The following HMOX1 variants were observed in gnomAD, a reference collection of about 807,000 sequenced individuals.
HMOX1 encodes the protein heat shock protein, 32-kD.
HMOX1 carries 22 observed loss-of-function variants against 27.8 expected under a neutral mutation model. The ratio of observed to expected loss-of-function variants is 0.79; its 90% confidence interval spans 0.57 to 1.13. HMOX1 has a LOEUF of 1.13. Ranked by LOEUF, HMOX1 falls within the 50% of genes most tolerant of loss-of-function variation. The pLI, the probability that HMOX1 is intolerant of heterozygous loss-of-function variation, is 0.00. For missense variants in HMOX1, 379 were observed against 377.7 expected, an observed-to-expected ratio of 1.00 and a Z score of -0.03; for synonymous variants, 153 against 151.6, an observed-to-expected ratio of 1.01 and a Z score of -0.07.
chr22:35,392,374 A>G (rs2145772686), intron 4 of HMOX1, among the ~76,000 whole-genome samples: 1 of 152,352 alleles, frequency 6.6e-6, no homozygotes, highest in South Asian at 2.1e-4. Flanking sequence ...GAACCAAAAC[A>G]TTTGAGAACT....
At chr22:35,391,412 C>T (rs559642536) in intron 4 of HMOX1, among the ~76,000 whole-genome samples, 12 of 151,156 alleles carry the variant, frequency 7.9e-5, no homozygotes, top group Non-Finnish European at 1.2e-4. Context: ...CTCAGCCTCC[C>T]GAGTAGCTGG....
intron 3 of HMOX1, among the ~76,000 whole-genome samples, chr22:35,389,195 T>TTCTTTCTTTCTTTCTTTCTC (rs1931587464): frequency 8.0e-6 from 1 of 125,176 alleles, no homozygotes; most frequent in African/African-American, 3.7e-5. Flanking sequence ...TGAATTTTCT[T>TTCTTTCTTTCTTTCTTTCTC]TCTTTCTTTC....
intron 2 of HMOX1, among the ~76,000 whole-genome samples, chr22:35,384,286 G>A (rs998063143): frequency 6.6e-6 from 1 of 152,020 alleles, no homozygotes; most frequent in African/African-American, 2.4e-5. Context: ...GTTTTACCAT[G>A]TTGGCCAGGC....
At chr22:35,383,364 C>A in intron 2 of HMOX1, 138 bp downstream of exon 2, 1 of 994,852 alleles carries the variant, frequency 1.0e-6, no homozygotes, top group Non-Finnish European at 1.5e-6. Context: ...AAAATGATGA[C>A]ACTGAGGCTC....
At chr22:35,381,229 C>G (rs1191067481) in intron 1 of HMOX1, 33 bp downstream of exon 1, 1 of 1,536,100 alleles carries the variant, frequency 6.5e-7, no homozygotes, top group Admixed American at 1.9e-5. Flanking sequence ...GGGACGGGCG[C>G]CTTTCTCTCC....
In HMOX1 at chr22:35,386,862, A is replaced by C; in HGVS notation, c.322A>C (p.Thr108Pro). 6.2e-7 allele frequency: 1 copy of C among 1,614,162 alleles called. No homozygotes were observed. The highest frequency in any genetic ancestry group is 8.5e-7 in the Non-Finnish European group (1 of 1,180,042). ...GPRWQEVIPYTPAMQRYVKRL... is the reference protein window; with the variant it reads ...GPRWQEVIPYPPAMQRYVKRL... ...CCGCTGGCAGGAGGTCATCCCCTAC[A>C]CACCAGCCATGCAGCGCTATGTGAA... Residue 108 changes from threonine to proline, a missense_variant, in exon 3 of 5, where the codon ACA becomes CCA. By Grantham distance (38) the Thr-to-Pro change is conservative. Transcript: ENST00000216117.
In HMOX1 at chr22:35,387,172, T is replaced by C. The variant is rs1403756497; in HGVS notation, c.632T>C (p.Ile211Thr). 6.2e-7 allele frequency: 1 copy of C among 1,613,410 alleles called. No homozygotes were observed. Among genetic ancestry groups the C allele is most frequent in the South Asian group, 1.1e-5 (1 of 91,076 alleles). ...EEAKTAFLLN[I>T]QLFEELQELL... ...GCCAAGACTGCGTTCCTGCTCAACA[T>C]CCAGGTGAGGGTCGGGCAGCCTGGG... The change falls in exon 3 of 5, where the codon ATC becomes ACC. Residue 211 changes from isoleucine (I) to threonine (T), a missense_variant. Ile to Thr is a moderately conservative substitution (Grantham distance 89). Coordinates refer to ENST00000216117, the MANE Select transcript of HMOX1 (RefSeq NM_002133.3).
In HMOX1 at chr22:35,383,323, C is replaced by T. The variant is rs573279823; in HGVS notation, c.144+97C>T. ...TGGTTTAAGTGGGGATGCTGAGGGA[C>T]CAGATGGGCATGTCCAATAGAATCA... On this transcript the variant is annotated intron_variant, in intron 2 of 4. Coordinates refer to ENST00000216117, the MANE Select transcript of HMOX1 (RefSeq NM_002133.3). The T allele has an allele frequency of 3.8e-4, 512 of 1,343,052 alleles. 7 individuals are homozygous for T. The South Asian group carries it at 5.6e-3, about 15-fold the overall frequency. 83.2% of individuals were successfully genotyped at this position (1,343,052 alleles called of 1,614,324 possible). A position where few individuals can be genotyped will look rare whatever the true frequency, so the allele number is the denominator to read the frequency against.
At position 35,386,861 on chromosome 22, in the gene HMOX1, C is replaced by A; in HGVS notation, c.321C>A (p.Tyr107Ter). 6.2e-7 allele frequency: 1 copy of A among 1,614,202 alleles called. No homozygotes were observed. The highest frequency in any genetic ancestry group is 8.5e-7 in the Non-Finnish European group (1 of 1,180,048). Residue 107 changes from tyrosine to a stop codon, truncating the protein, a stop_gained, in exon 3 of 5, where the codon TAC becomes TAA. Transcript: ENST00000216117. LOFTEE classifies it high-confidence loss of function. ...CCCGCTGGCAGGAGGTCATCCCCTA[C>A]ACACCAGCCATGCAGCGCTATGTGA... ...YGPRWQEVIPYTPAMQRYVKR... is the reference protein window; with the variant it reads ...YGPRWQEVIP
At chr22:35,389,249 TTTCTC>T (rs1333933423) in intron 3 of HMOX1, among the ~76,000 whole-genome samples, 1 of 121,530 alleles carries the variant, frequency 8.2e-6, no homozygotes, top group African/African-American at 4.3e-5. Flanking sequence ...TTTTCTTTCT[TTTCTC>T]TCTCTCTCTC....
chr22:35,386,890 G>A lies in HMOX1; in HGVS notation c.350G>A (p.Arg117Gln), dbSNP rs373670270. 6.2e-6 allele frequency: 10 copies of A among 1,613,962 alleles called. No individual in the cohort carries two copies. The highest frequency in any genetic ancestry group is 1.6e-4 in the Middle Eastern group (1 of 6,082). Residue 117 changes from arginine (R) to glutamine (Q), a missense_variant, in exon 3 of 5, where the codon CGG (arginine) becomes CAG (glutamine). Arg to Gln is a conservative substitution (Grantham distance 43). Coordinates refer to ENST00000216117, the MANE Select transcript of HMOX1 (RefSeq NM_002133.3). ...CCAGCCATGCAGCGCTATGTGAAGC[G>A]GCTCCACGAGGTGGGGCGCACAGAG... is the stretch of plus-strand genomic sequence containing the variant. ...YTPAMQRYVKRLHEVGRTEPE... is the reference protein window; with the variant it reads ...YTPAMQRYVKQLHEVGRTEPE...
Position 35,393,456 on chromosome 22 carries a change from T to C in HMOX1, c.737-12T>C, listed in dbSNP as rs1397911154. On this transcript the variant is annotated splice_polypyrimidine_tract_variant and intron_variant, in intron 4 of 4. Transcript: ENST00000216117. Reference sequence around the variant, plus strand: ...CCACCTGTTAATGACCTTGCCCCATTTTCTCTTTCAGATTCTGCCCCCGTG... The same window carrying C: ...CCACCTGTTAATGACCTTGCCCCATCTTCTCTTTCAGATTCTGCCCCCGTG... 1 of 1,613,958 alleles carries C rather than the reference T, an allele frequency of 6.2e-7. No individual in the cohort carries two copies. The highest frequency in any genetic ancestry group is 8.5e-7 in the Non-Finnish European group (1 of 1,179,882).
Position 35,393,670 on chromosome 22 carries a change from T to G in HMOX1, c.*72T>G. ...GGCCTTCTTTCTAGAGAGGGAATTC[T>G]CTTGGCTGGCTTCCTTACCGTGGGC... On this transcript the variant is annotated 3_prime_UTR_variant, in exon 5 of 5. Coordinates refer to ENST00000216117, the MANE Select transcript of HMOX1 (RefSeq NM_002133.3). The G allele has an allele frequency of 6.3e-7, 1 of 1,595,970 alleles. No homozygotes were observed. The highest frequency in any genetic ancestry group is 8.6e-7 in the Non-Finnish European group (1 of 1,164,236).
chr22:35,386,999 A>G lies in HMOX1; in HGVS notation c.459A>G (p.Lys153=). 1 of 1,613,892 alleles carries G rather than the reference A, an allele frequency of 6.2e-7. No individual in the cohort carries two copies. The highest frequency in any genetic ancestry group is 8.5e-7 in the Non-Finnish European group (1 of 1,180,036). ...AGGTGCTCAAAAAGATTGCCCAGAA[A>G]GCCCTGGACCTGCCCAGCTCTGGCG... ...GGQVLKKIAQ[K]ALDLPSSGEG... Residue 153 remains lysine, a synonymous_variant, in exon 3 of 5, where the codon AAA becomes AAG. Transcript: ENST00000216117.
chr22:35,389,884 G>A lies in HMOX1; in HGVS notation c.657G>A (p.Glu219=). The A allele has an allele frequency of 6.2e-7, 1 of 1,610,368 alleles. No homozygotes were observed. The highest frequency in any genetic ancestry group is 8.5e-7 in the Non-Finnish European group (1 of 1,179,040). Reference sequence around the variant, plus strand: ...TTTAGCTCTTTGAGGAGTTGCAGGAGCTGCTGACCCATGACACCAAGGACC... The same window carrying A: ...TTTAGCTCTTTGAGGAGTTGCAGGAACTGCTGACCCATGACACCAAGGACC... ...LNIQLFEELQ[E]LLTHDTKDQS... The change falls in exon 4 of 5, where the codon GAG becomes GAA. Residue 219 remains glutamate, a synonymous_variant. Transcript: ENST00000216117.
intron 3 of HMOX1, among the ~76,000 whole-genome samples, chr22:35,389,386 TCC>T (rs1569057582): frequency 0.094 from 6,893 of 73,130 alleles, 536 homozygotes; most frequent in East Asian, 0.17. Flanking sequence ...CTTCCTTCCT[TCC>T]TTCCTTCCTT....
At position 35,389,892 on chromosome 22, in the gene HMOX1, C is replaced by A; in HGVS notation, c.665C>A (p.Thr222Asn). 6.2e-7 allele frequency: 1 copy of A among 1,611,322 alleles called. No individual in the cohort carries two copies. The highest frequency in any genetic ancestry group is 1.1e-5 in the South Asian group (1 of 90,546). Residue 222 changes from threonine to asparagine, a missense_variant, in exon 4 of 5, where the codon ACC becomes AAC. Thr to Asn is a moderately conservative substitution (Grantham distance 65). Coordinates refer to ENST00000216117, the MANE Select transcript of HMOX1 (RefSeq NM_002133.3). ...TTTGAGGAGTTGCAGGAGCTGCTGA[C>A]CCATGACACCAAGGACCAGAGCCCC... ...QLFEELQELL[T>N]HDTKDQSPSR...
chr22:35,389,791 T>G (rs1931666839), intron 3 of HMOX1, 73 bp from the exon 4 acceptor site: 2 of 1,016,040 alleles, frequency 2.0e-6, no homozygotes, highest in Middle Eastern at 3.0e-4. Context: ...TAACACAACT[T>G]AAGGTCCTAC....
At chr22:35,388,114 TA>T (rs546471663) in intron 3 of HMOX1, among the ~76,000 whole-genome samples, 7 of 145,870 alleles carry the variant, frequency 4.8e-5, no homozygotes, top group African/African-American at 1.6e-4. Context: ...AAATAAAAAA[TA>T]AAAAAAAATT....
Sources: gnomAD v4.1 joint callset for allele counts (sites outside exome capture counted in the v4.1 genomes callset) on GRCh38, gnomAD v4.1.1 for gene constraint, MANE v1.5 for transcripts, NCBI Gene and HGNC (gene_info 2026-07-23, HGNC 2026-07-21) for gene names.